The following SH3BP4 variants were observed in gnomAD, a reference collection of about 807,000 sequenced individuals.
SH3BP4 encodes SH3 domain-binding protein 4.
In SH3BP4, 33 loss-of-function variants were observed where a neutral mutation model predicts 65.5. The ratio of observed to expected loss-of-function variants is 0.50; its 90% confidence interval spans 0.38 to 0.67. SH3BP4 has a LOEUF of 0.67. Among genes scored for constraint, SH3BP4 ranks in the 30% least tolerant of loss-of-function variants. The pLI, the probability that SH3BP4 is intolerant of heterozygous loss-of-function variation, is 0.00. For missense variants in SH3BP4, 1,134 were observed against 1,261.4 expected, an observed-to-expected ratio of 0.90 and a Z score of 1.53; for synonymous variants, 552 against 545.5, an observed-to-expected ratio of 1.01 and a Z score of -0.17.
chr2:234,953,972 C>G (rs1223962428), intron 1 of SH3BP4, among the ~76,000 whole-genome samples: 2 of 151,830 alleles, frequency 1.3e-5, no homozygotes, highest in Non-Finnish European at 2.9e-5. Flanking sequence ...GGCGGGACCC[C>G]AGATTGCCCA....
At chr2:234,990,244 C>G (rs941657098) in intron 1 of SH3BP4, among the ~76,000 whole-genome samples, 1 of 152,208 alleles carries the variant, frequency 6.6e-6, no homozygotes, top group Non-Finnish European at 1.5e-5. Context: ...GTTCTACTGA[C>G]TGGCTCTGAT....
At chr2:235,017,045 C>CTTTTTTTT (rs995197698) in intron 2 of SH3BP4, among the ~76,000 whole-genome samples, 23 of 88,370 alleles carry the variant, frequency 2.6e-4, no homozygotes, top group Non-Finnish European at 3.9e-4. Flanking sequence ...GTTTGCCTTT[C>CTTTTTTTT]TTTTTTTTTT....
chr2:235,035,816 C>G lies in SH3BP4; in HGVS notation c.118+696C>G, dbSNP rs183315896. 6.6e-6 allele frequency among the ~76,000 whole-genome samples: 1 copy of G among 152,340 alleles called. No homozygotes were observed. Among genetic ancestry groups the G allele is most frequent in the East Asian group, 1.9e-4 (1 of 5,188 alleles). ...GACACCAAGGTGAATACTAGCAGGTCATTTTCTTCCTGCACATCTGCCCTA... is the reference window on the plus strand; with the variant it reads ...GACACCAAGGTGAATACTAGCAGGTGATTTTCTTCCTGCACATCTGCCCTA... On this transcript the variant is annotated intron_variant, in intron 3 of 5. Transcript: ENST00000392011. The surrounding 1 kb of genome is among the most constrained non-coding windows in gnomAD (Gnocchi z 5.0).
intron 2 of SH3BP4, among the ~76,000 whole-genome samples, chr2:235,020,730 C>T (rs960066097): frequency 6.6e-6 from 1 of 152,316 alleles, no homozygotes; most frequent in African/African-American, 2.4e-5. Context: ...TGTTACCCAA[C>T]AGTTATAACA....
Position 235,052,673 on chromosome 2 carries a change from C to G in SH3BP4, c.2590C>G (p.Leu864Val), listed in dbSNP as rs1302273934. ...GCGCTGGCGGGAGCTGGCTGAGAAG[C>G]TGGCCAAGGTCTCCAAGCAGCAGAT... ...AQRWRELAEKLAKVSKQQMDA... is the reference protein window; with the variant it reads ...AQRWRELAEKVAKVSKQQMDA... Residue 864 changes from leucine (L) to valine (V), a missense_variant, in exon 5 of 6, where the codon CTG (leucine) becomes GTG (valine). Coordinates refer to ENST00000392011, the MANE Select transcript of SH3BP4 (RefSeq NM_014521.3). The surrounding 1 kb of genome is among the most constrained non-coding windows in gnomAD (Gnocchi z 5.0). 1.2e-6 allele frequency: 2 copies of G among 1,600,250 alleles called. No individual in the cohort carries two copies. The highest frequency in any genetic ancestry group is 2.3e-5 in the East Asian group (1 of 44,004).
At position 235,034,352 on chromosome 2, in the gene SH3BP4, G is replaced by A. The variant is rs1167960271; in HGVS notation, c.-132-519G>A. On this transcript the variant is annotated intron_variant, in intron 2 of 5. Coordinates refer to ENST00000392011, the MANE Select transcript of SH3BP4 (RefSeq NM_014521.3). This position sits in a 1 kb window ranked among gnomAD's most constrained non-coding sequence, Gnocchi z 6.2. ...TTTGGGGTGCAGGGGGATTTCAGGA[G>A]CGGATTGGGTAGGGAGCATCACCCT... is the stretch of plus-strand genomic sequence containing the variant. Among the ~76,000 whole-genome samples, 1 of 152,144 alleles carries A rather than the reference G, an allele frequency of 6.6e-6. No homozygotes were observed. Among genetic ancestry groups the A allele is most frequent in the East Asian group, 1.9e-4 (1 of 5,194 alleles).
intron 1 of SH3BP4, among the ~76,000 whole-genome samples, chr2:234,990,592 T>C (rs1325942824): frequency 6.6e-6 from 1 of 152,202 alleles, no homozygotes; most frequent in African/African-American, 2.4e-5. Flanking sequence ...GGACCAGCTC[T>C]TGGTGTGGTC....
intron 1 of SH3BP4, among the ~76,000 whole-genome samples, chr2:234,957,478 A>G (rs893857440): frequency 6.6e-6 from 1 of 151,498 alleles, no homozygotes; most frequent in African/African-American, 2.4e-5. Context: ...TAATGGAAGA[A>G]ATTGTGGCCT....
At chr2:234,975,020 G>C (rs1693128152) in intron 1 of SH3BP4, among the ~76,000 whole-genome samples, 1 of 152,206 alleles carries the variant, frequency 6.6e-6, no homozygotes, top group South Asian at 2.1e-4. Flanking sequence ...GCGGCAGGCA[G>C]CTGCCTTGCA....
intron 1 of SH3BP4, among the ~76,000 whole-genome samples, chr2:234,956,212 G>T (rs528712491): frequency 2.9e-4 from 44 of 152,326 alleles, no homozygotes; most frequent in Non-Finnish European, 4.1e-4. Context: ...TTGGAAGATT[G>T]TGACTTTGAA....
chr2:234,970,730 G>C lies in SH3BP4; in HGVS notation c.-207+18560G>C, dbSNP rs565710031. Among the ~76,000 whole-genome samples the C allele has an allele frequency of 4.1e-4, 62 of 152,286 alleles. 1 individual carries two copies. The South Asian group carries it at 7.9e-3, about 19-fold the overall frequency. ...CTCTTCAGCTGACTTCTGTTGCGTAGGTTTCCATGTCTGTATTCCCAGATG... is the reference window on the plus strand; with the variant it reads ...CTCTTCAGCTGACTTCTGTTGCGTACGTTTCCATGTCTGTATTCCCAGATG... On this transcript the variant is annotated intron_variant, in intron 1 of 5. Coordinates refer to ENST00000392011, the MANE Select transcript of SH3BP4 (RefSeq NM_014521.3).
intron 2 of SH3BP4, among the ~76,000 whole-genome samples, chr2:235,009,947 T>A (rs1694424102): frequency 6.6e-6 from 1 of 152,106 alleles, no homozygotes; most frequent in South Asian, 2.1e-4. Context: ...GTCTCTCCTC[T>A]CCTCAAACCT....
At chr2:234,966,918 A>G (rs561616748) in intron 1 of SH3BP4, among the ~76,000 whole-genome samples, 1 of 152,322 alleles carries the variant, frequency 6.6e-6, no homozygotes, top group South Asian at 2.1e-4. Context: ...ACATAATCCT[A>G]CTTCGCTAAC....
At chr2:235,024,131 C>A (rs1694925008) in intron 2 of SH3BP4, among the ~76,000 whole-genome samples, 1 of 152,216 alleles carries the variant, frequency 6.6e-6, no homozygotes, top group African/African-American at 2.4e-5. Context: ...CATTCATTCA[C>A]AAATTGTACT....
At chr2:235,022,905 A>C (rs577477891) in intron 2 of SH3BP4, among the ~76,000 whole-genome samples, 2 of 152,312 alleles carry the variant, frequency 1.3e-5, no homozygotes, top group East Asian at 3.9e-4. Flanking sequence ...GCAGAGTTGC[A>C]GTTGGGGCCT....
At position 235,041,726 on chromosome 2, in the gene SH3BP4, C is replaced by T. The variant is rs116894690; in HGVS notation, c.957C>T (p.Ile319=). The T allele has an allele frequency of 5.5e-5, 89 of 1,611,430 alleles. 1 individual carries two copies. The African/African-American group carries it at 8.8e-4, about 16-fold the overall frequency. The part of the protein sequence containing the change: ...WGQTQAVETN[I]VCKLDSSGGA... The stretch of plus-strand genomic sequence containing the variant: ...AGACCCAAGCCGTGGAGACAAACAT[C>T]GTGTGCAAGCTGGATAGCTCCGGGG... Residue 319 remains isoleucine, a synonymous_variant, in exon 4 of 6, where the codon ATC becomes ATT. Transcript: ENST00000392011. This position sits in a 1 kb window ranked among gnomAD's most constrained non-coding sequence, Gnocchi z 6.0.
chr2:235,047,923 G>A (rs1490784711), intron 4 of SH3BP4, among the ~76,000 whole-genome samples: 1 of 152,174 alleles, frequency 6.6e-6, no homozygotes, highest in Non-Finnish European at 1.5e-5. Context: ...AGGGAGGGTG[G>A]TTGTTTTGGG....
At chr2:235,005,914 G>A (rs1273874402) in intron 2 of SH3BP4, among the ~76,000 whole-genome samples, 3 of 151,736 alleles carry the variant, frequency 2.0e-5, no homozygotes, top group Non-Finnish European at 2.9e-5. Context: ...AGCACTCTTA[G>A]CTCCTGCAAT....
chr2:235,000,150 G>A (rs1043629457), intron 2 of SH3BP4, among the ~76,000 whole-genome samples: 1 of 152,184 alleles, frequency 6.6e-6, no homozygotes, highest in Non-Finnish European at 1.5e-5. Context: ...AGGCAATAGG[G>A]GAAGTGGCAC....
Sources: allele counts gnomAD v4.1 joint callset (sites outside exome capture counted in the v4.1 genomes callset), GRCh38; gene constraint gnomAD v4.1.1; non-coding constraint Gnocchi (gnomAD v3.1); transcripts MANE v1.5; gene names NCBI Gene and HGNC (gene_info 2026-07-23, HGNC 2026-07-21).